The following OSBP variants were observed in gnomAD, a reference collection of about 807,000 sequenced individuals.
The protein encoded by OSBP is oxysterol-binding protein 1.
OSBP carries 32 observed loss-of-function variants against 96.6 expected under a neutral mutation model. The observed-to-expected ratio is 0.33, with a 90% CI of 0.25 to 0.45. The LOEUF is 0.45. Ranked by LOEUF, OSBP falls within the 20% of genes least tolerant of loss-of-function variation. OSBP has a pLI of 1.00. For synonymous variants in OSBP, 369 were observed against 389.6 expected, an observed-to-expected ratio of 0.95 and a Z score of 0.62; for missense variants, 653 against 1,029.7, an observed-to-expected ratio of 0.63 and a Z score of 5.01.
chr11:59,576,789 A>G lies in OSBP; in HGVS notation c.2281+16T>C, dbSNP rs945825389. On this transcript the variant is annotated intron_variant, in intron 13 of 13. Transcript: ENST00000263847. ...TCCATGCATCAAGAAAGAAGAGTAG[A>G]AGGGAAGTTCATTACCATCCTCTGT... 1 of 1,613,440 alleles carries G rather than the reference A, an allele frequency of 6.2e-7. No homozygotes were observed.
chr11:59,613,824 C>T (rs1860884808), intron 1 of OSBP, among the ~76,000 whole-genome samples: 1 of 152,168 alleles, frequency 6.6e-6, no homozygotes, highest in African/African-American at 2.4e-5. Flanking sequence ...TGTAAGAGGA[C>T]AGGTAAAAAT....
intron 11 of OSBP, among the ~76,000 whole-genome samples, chr11:59,579,227 T>C (rs1361216392): frequency 6.6e-6 from 1 of 151,942 alleles, no homozygotes; most frequent in Non-Finnish European, 1.5e-5. Context: ...CAAATCATTA[T>C]GGTGGTATCA....
chr11:59,600,080 G>A (rs1317715965), intron 7 of OSBP, among the ~76,000 whole-genome samples: 4 of 152,276 alleles, frequency 2.6e-5, no homozygotes, highest in Non-Finnish European at 5.9e-5. Context: ...TTGAATGAGC[G>A]ATTTTTGCTT....
intron 7 of OSBP, among the ~76,000 whole-genome samples, 169 bp from the exon 8 acceptor site, chr11:59,594,424 G>T (rs774815358): frequency 5.3e-5 from 8 of 152,202 alleles, no homozygotes; most frequent in Non-Finnish European, 1.0e-4. Context: ...AACTGTTCAT[G>T]TCTGTGAGTG....
chr11:59,581,607 C>A, intron 9 of OSBP, 53 bp from the exon 10 acceptor site: 1 of 913,850 alleles, frequency 1.1e-6, no homozygotes, highest in Non-Finnish European at 1.8e-6. Flanking sequence ...AAAATAGCAC[C>A]ATGCAGCCTC....
At chr11:59,599,754 A>G (rs1860697013) in intron 7 of OSBP, among the ~76,000 whole-genome samples, 1 of 152,228 alleles carries the variant, frequency 6.6e-6, no homozygotes, top group Non-Finnish European at 1.5e-5. Flanking sequence ...AAGTCTAGGC[A>G]GAAAGAGCAG....
chr11:59,583,241 G>T (rs987550737), intron 9 of OSBP, among the ~76,000 whole-genome samples: 12 of 152,258 alleles, frequency 7.9e-5, no homozygotes, highest in Middle Eastern at 3.4e-3. Flanking sequence ...GAACCCAGGA[G>T]GCGGAGGTTG....
Position 59,607,277 on chromosome 11 carries a change from A to T in OSBP, c.822+1207T>A, listed in dbSNP as rs574973229. On this transcript the variant is annotated intron_variant, in intron 3 of 13. Transcript: ENST00000263847. ...ACAAGGGGACTGGAAAACCAGGCAC[A>T]CAGTCTCCAGGAATACACGACCAGA... is the stretch of plus-strand genomic sequence containing the variant. Among the ~76,000 whole-genome samples the T allele has an allele frequency of 1.5e-3, 230 of 152,318 alleles. 1 individual carries two copies. Among genetic ancestry groups the T allele is most frequent in the African/African-American group, 5.3e-3 (220 of 41,578 alleles).
At chr11:59,615,027 G>A (rs796712254) in intron 1 of OSBP, among the ~76,000 whole-genome samples, 27 of 152,330 alleles carry the variant, frequency 1.8e-4, no homozygotes, top group African/African-American at 6.0e-4. Flanking sequence ...TGGAAGCACA[G>A]ACGCTCTCCA....
At chr11:59,589,617 T>C (rs181736903) in intron 9 of OSBP, among the ~76,000 whole-genome samples, 1 of 151,910 alleles carries the variant, frequency 6.6e-6, no homozygotes, top group African/African-American at 2.4e-5. Context: ...AATAAATAAA[T>C]AAATAAAAAT....
chr11:59,606,897 T>G lies in OSBP; in HGVS notation c.822+1587A>C, dbSNP rs939509684. 3.9e-5 allele frequency among the ~76,000 whole-genome samples: 6 copies of G among 152,278 alleles called. No homozygotes were observed. In the East Asian group the frequency reaches 1.2e-3, roughly 29 times the overall value. ...CTGGCTAGGAAAAGGGCACAGGCAG[T>G]GCAGCAAGAGAGTAAAGAATGAAAA... On this transcript the variant is annotated intron_variant, in intron 3 of 13. Transcript: ENST00000263847.
chr11:59,606,220 GTGGAACACAGCTCA>G (rs1860778248), intron 3 of OSBP, among the ~76,000 whole-genome samples: 2 of 152,040 alleles, frequency 1.3e-5, no homozygotes, highest in Admixed American at 1.3e-4. Flanking sequence ...AGCACAGTTC[GTGGAACACAGCTCA>G]TGCTCAATAG....
chr11:59,578,138 C>G lies in OSBP; in HGVS notation c.2060+11G>C. 1 of 1,613,698 alleles carries G rather than the reference C, an allele frequency of 6.2e-7. No individual in the cohort carries two copies. The highest frequency in any genetic ancestry group is 8.5e-7 in the Non-Finnish European group (1 of 1,179,618). ...AAGTGGTATCTGGGCAGCATGCATGCTGATACTCACGGTAAAGGATTCCTT... is the reference window on the plus strand; with the variant it reads ...AAGTGGTATCTGGGCAGCATGCATGGTGATACTCACGGTAAAGGATTCCTT... On this transcript the variant is annotated intron_variant, in intron 12 of 13. Coordinates refer to ENST00000263847, the MANE Select transcript of OSBP (RefSeq NM_002556.3).
At chr11:59,577,169 T>C in intron 12 of OSBP, 144 bp from the exon 13 acceptor site, 1 of 677,772 alleles carries the variant, frequency 1.5e-6, no homozygotes, top group Admixed American at 2.9e-5. Flanking sequence ...TAGGACCATG[T>C]CACATTGCCC....
At chr11:59,589,231 T>C (rs1860544670) in intron 9 of OSBP, among the ~76,000 whole-genome samples, 1 of 150,198 alleles carries the variant, frequency 6.7e-6, no homozygotes, top group South Asian at 2.1e-4. Context: ...CAAGTGATCC[T>C]CCTGCCTTGG....
At chr11:59,582,918 T>C (rs1435463324) in intron 9 of OSBP, among the ~76,000 whole-genome samples, 3 of 152,212 alleles carry the variant, frequency 2.0e-5, no homozygotes, top group Non-Finnish European at 2.9e-5. Flanking sequence ...CCTGTTCTTA[T>C]AAGTCAATCT....
chr11:59,606,059 A>T (rs1860776434), intron 3 of OSBP, among the ~76,000 whole-genome samples: 1 of 152,172 alleles, frequency 6.6e-6, no homozygotes, highest in Admixed American at 6.5e-5. Flanking sequence ...TCTGAGCCAA[A>T]TACTTCCAAA....
At position 59,581,434 on chromosome 11, in the gene OSBP, T is replaced by TG; in HGVS notation, c.1782+16dup. 7.0e-7 allele frequency: 1 copy of TG among 1,434,510 alleles called. No homozygotes were observed. The highest frequency in any genetic ancestry group is 9.8e-7 in the Non-Finnish European group (1 of 1,019,998). The allele number at this position is 1,434,510 out of a possible 1,614,324, so 88.9% of individuals were successfully genotyped here. On this transcript the variant is annotated intron_variant, in intron 10 of 13. Transcript: ENST00000263847. Reference sequence around the variant, plus strand: ...ATTCTTTTAAACTTCACACACACTTTGGGTACCTTTCCTCACCTGATCTAT... The same window carrying TG: ...ATTCTTTTAAACTTCACACACACTTTGGGGTACCTTTCCTCACCTGATCTAT...
At chr11:59,591,413 A>G (rs561203312) in intron 9 of OSBP, among the ~76,000 whole-genome samples, 1 of 152,310 alleles carries the variant, frequency 6.6e-6, no homozygotes, top group East Asian at 1.9e-4. Context: ...AACACCCTGC[A>G]GATACCACAA....
Sources: allele counts gnomAD v4.1 joint callset (sites outside exome capture counted in the v4.1 genomes callset), GRCh38; gene constraint gnomAD v4.1.1; transcripts MANE v1.5; gene names NCBI Gene and HGNC (gene_info 2026-07-23, HGNC 2026-07-21).